PALD1: variants seen among roughly 807,000 people sequenced by gnomAD.
PALD1 encodes phosphatase domain containing paladin 1.
Under a neutral mutation model 96.0 loss-of-function variants are expected in PALD1, and 57 were observed. The ratio of observed to expected loss-of-function variants is 0.59; its 90% CI spans 0.48 to 0.74. The LOEUF is 0.74. PALD1 is among the 30% of genes least tolerant of loss of function. The pLI is 0.00. For synonymous variants in PALD1, 464 were observed against 473.6 expected (o/e 0.98, Z 0.26); for missense variants, 1,063 against 1,143.7 (o/e 0.93, Z 1.02).
chr10:70,566,440 C>T, intron 19 of PALD1, 141 bp from the exon 20 acceptor site: 4 of 657,146 alleles, frequency 6.1e-6, no homozygotes, highest in Non-Finnish European at 1.1e-5. Context: ...AACTGACGCT[C>T]AGAGAAGTTA....
chr10:70,513,182 A>G (rs1487521336), intron 1 of PALD1, among the ~76,000 whole-genome samples: 1 of 152,126 alleles, frequency 6.6e-6, no homozygotes, highest in East Asian at 1.9e-4. Flanking sequence ...ATTTGGAAAA[A>G]TTTTAAACCT....
intron 1 of PALD1, among the ~76,000 whole-genome samples, chr10:70,505,564 A>C (rs1365569147): frequency 3.3e-5 from 5 of 151,724 alleles, no homozygotes; most frequent in Admixed American, 6.6e-5. Context: ...AGATCACGTC[A>C]TTGTACTCCA....
chr10:70,534,058 C>T lies in PALD1; in HGVS notation c.1007C>T (p.Thr336Ile). The change falls in exon 8 of 20, where the codon ACC becomes ATC. Residue 336 changes from threonine to isoleucine, a missense_variant. By Grantham distance (89) the Thr-to-Ile change is moderately conservative. Coordinates refer to ENST00000263563, the MANE Select transcript of PALD1 (RefSeq NM_014431.3). ...CTCATCCTGCTTCACCGCAGTGGGACCACCTCCCAGCCAGAGTGAGTGGCC... is the reference window on the plus strand; with the variant it reads ...CTCATCCTGCTTCACCGCAGTGGGATCACCTCCCAGCCAGAGTGAGTGGCC... ...GTLILLHRSG[T>I]TSQPEAAPTQ... 1 of 1,605,270 alleles carries T rather than the reference C, an allele frequency of 6.2e-7. No individual in the cohort carries two copies.
intron 1 of PALD1, among the ~76,000 whole-genome samples, chr10:70,525,525 G>A (rs905590472): frequency 6.6e-6 from 1 of 151,946 alleles, no homozygotes; most frequent in African/African-American, 2.4e-5. Flanking sequence ...CTTTCTCGGT[G>A]ACATTTCCTG....
chr10:70,510,925 G>A (rs775348293), intron 1 of PALD1, among the ~76,000 whole-genome samples: 1 of 152,108 alleles, frequency 6.6e-6, no homozygotes, highest in Admixed American at 6.5e-5. Context: ...TCTCGTGTGT[G>A]TATCCTTAGC....
chr10:70,552,019 G>A (rs756364233), intron 18 of PALD1, among the ~76,000 whole-genome samples: 7 of 152,314 alleles, frequency 4.6e-5, no homozygotes, highest in South Asian at 2.1e-4. Context: ...GCAGGCCCAC[G>A]GGACGTCTCT....
chr10:70,558,528 A>G (rs1179451303), intron 18 of PALD1, among the ~76,000 whole-genome samples: 2 of 152,070 alleles, frequency 1.3e-5, no homozygotes, highest in South Asian at 4.2e-4. Flanking sequence ...TGGAGTCTGC[A>G]CTCTAGTGAC....
At chr10:70,519,706 C>T (rs1589191991) in intron 1 of PALD1, among the ~76,000 whole-genome samples, 1 of 151,814 alleles carries the variant, frequency 6.6e-6, no homozygotes, top group Non-Finnish European at 1.5e-5. Flanking sequence ...TCCCGAGTAG[C>T]TGGGATTACA....
chr10:70,516,313 T>TA (rs1846618640), intron 1 of PALD1, among the ~76,000 whole-genome samples: 1 of 152,128 alleles, frequency 6.6e-6, no homozygotes, highest in East Asian at 1.9e-4. Context: ...TGTATTTTTA[T>TA]AAAAAAGGCA....
At chr10:70,518,717 G>A (rs969722247) in intron 1 of PALD1, among the ~76,000 whole-genome samples, 4 of 152,176 alleles carry the variant, frequency 2.6e-5, no homozygotes, top group Non-Finnish European at 4.4e-5. Context: ...CAAACGCCTT[G>A]CAGTCAGAGA....
intron 10 of PALD1, 126 bp from the exon 11 acceptor site, chr10:70,537,685 G>C (rs1847142566): frequency 3.0e-6 from 2 of 657,126 alleles, no homozygotes; most frequent in African/African-American, 3.6e-5. Context: ...GCAGAACTGT[G>C]TCATGAAGGG....
At chr10:70,518,641 T>C (rs1048739541) in intron 1 of PALD1, among the ~76,000 whole-genome samples, 7 of 152,258 alleles carry the variant, frequency 4.6e-5, no homozygotes, top group Non-Finnish European at 7.3e-5. Flanking sequence ...AAAAATTGAC[T>C]TGATATTGAC....
intron 17 of PALD1, among the ~76,000 whole-genome samples, chr10:70,542,805 G>T (rs1847278334): frequency 6.6e-6 from 1 of 152,178 alleles, no homozygotes; most frequent in South Asian, 2.1e-4. Flanking sequence ...GGAATTGCTG[G>T]ATCCTATCGT....
At position 70,506,948 on chromosome 10, in the gene PALD1, T is replaced by C. The variant is rs1846402756; in HGVS notation, c.-29-18975T>C. 2.0e-5 allele frequency among the ~76,000 whole-genome samples: 3 copies of C among 152,240 alleles called. No homozygotes were observed. The South Asian group carries it at 6.2e-4, about 32-fold the overall frequency. ...CCACCCAGCATTTTCTTTCAGGCAG[T>C]CAACACATGGTGGCCACTTATGGAC... On this transcript the variant is annotated intron_variant, in intron 1 of 19. Transcript: ENST00000263563.
At chr10:70,534,569 G>C in intron 9 of PALD1, 45 bp downstream of exon 9, 1 of 1,402,516 alleles carries the variant, frequency 7.1e-7, no homozygotes, top group Non-Finnish European at 1.0e-6. Flanking sequence ...TGGTGGAGGG[G>C]ACGGTCACTC....
chr10:70,509,843 C>T (rs912005525), intron 1 of PALD1, among the ~76,000 whole-genome samples: 1 of 152,186 alleles, frequency 6.6e-6, no homozygotes, highest in Admixed American at 6.5e-5. Flanking sequence ...GCAGCCAGTA[C>T]ACCAGCTCTG....
intron 1 of PALD1, among the ~76,000 whole-genome samples, chr10:70,508,823 G>T (rs1467082815): frequency 8.3e-5 from 5 of 60,350 alleles, no homozygotes; most frequent in African/African-American, 4.1e-4. Context: ...GTGTGTGCAG[G>T]CCTGTGGGAG....
chr10:70,556,627 G>A (rs148162575), intron 18 of PALD1, among the ~76,000 whole-genome samples: 150 of 152,178 alleles, frequency 9.9e-4, no homozygotes, highest in Non-Finnish European at 1.9e-3. Context: ...TGCTGAGACC[G>A]CTCATCTCTC....
chr10:70,486,625 G>T (rs150523507), intron 1 of PALD1, among the ~76,000 whole-genome samples: 1 of 152,094 alleles, frequency 6.6e-6, no homozygotes, highest in Admixed American at 6.6e-5. Flanking sequence ...GCCAGGTGTG[G>T]TGGTGGGTGC....
Sources: allele counts gnomAD v4.1 joint callset (sites outside exome capture counted in the v4.1 genomes callset), GRCh38; gene constraint gnomAD v4.1.1; transcripts MANE v1.5; gene names NCBI Gene and HGNC (gene_info 2026-07-23, HGNC 2026-07-21).